The following KLRD1 variants were observed in gnomAD, a reference collection of about 807,000 sequenced individuals.
KLRD1 encodes the protein natural killer cells antigen CD94.
Under a neutral mutation model 22.6 loss-of-function variants are expected in KLRD1, and 21 were observed. The observed-to-expected ratio is 0.93, with a 90% confidence interval of 0.66 to 1.34. The LOEUF is 1.34. KLRD1 is among the 40% of genes most tolerant of loss of function. The probability of loss-of-function intolerance (pLI) is 0.00; values close to 1 mark genes in which losing one functional copy is unlikely to be tolerated. For missense variants in KLRD1, 183 were observed against 208.6 expected, an observed-to-expected ratio of 0.88 and a Z score of 0.76; for synonymous variants, 59 against 71.1, an observed-to-expected ratio of 0.83 and a Z score of 0.85.
chr12:10,273,559 G>A (rs1592046999), intron 1 of KLRD1, among the ~76,000 whole-genome samples: 1 of 152,172 alleles, frequency 6.6e-6, no homozygotes. Flanking sequence ...ACACACCACA[G>A]TAACCACAGG....
In KLRD1 at chr12:10,316,400, C is replaced by T. The variant is rs2137732753; in HGVS notation, c.*1607C>T. On this transcript the variant is annotated 3_prime_UTR_variant, in exon 6 of 6. Coordinates refer to ENST00000336164, the MANE Select transcript of KLRD1 (RefSeq NM_002262.5). ...TTTATGCCACTTATTTTATTTTTTA[C>T]TTTTATTATTTTTTTTTCTGAGACA... 1 of 150,650 alleles carries T rather than the reference C, an allele frequency of 6.6e-6. No individual in the cohort carries two copies. The highest frequency in any genetic ancestry group is 1.9e-4 in the East Asian group (1 of 5,166). 9.3% of individuals were successfully genotyped at this position (150,650 alleles called of 1,614,324 possible).
In KLRD1 at chr12:10,320,700, C is replaced by A. The variant is rs2137746557; in HGVS notation, c.*5907C>A. 1 of 151,774 alleles carries A rather than the reference C, an allele frequency of 6.6e-6. No homozygotes were observed. The highest frequency in any genetic ancestry group is 6.5e-5 in the Admixed American group (1 of 15,280). 9.4% of individuals were successfully genotyped at this position (151,774 alleles called of 1,614,324 possible). A position where few individuals can be genotyped will look rare whatever the true frequency, so the allele number is the denominator to read the frequency against. Reference sequence around the variant, plus strand: ...TGAGAAATAGATTCTGAGCAAAGATCCAATCTAGAGTGCTCTCAGGAAAGC... The same window carrying A: ...TGAGAAATAGATTCTGAGCAAAGATACAATCTAGAGTGCTCTCAGGAAAGC... On this transcript the variant is annotated 3_prime_UTR_variant, in exon 6 of 6. Transcript: ENST00000336164.
intron 1 of KLRD1, among the ~76,000 whole-genome samples, chr12:10,286,184 C>A (rs1013403735): frequency 3.3e-5 from 5 of 152,088 alleles, no homozygotes; most frequent in African/African-American, 1.2e-4. Context: ...GTCAGCCACA[C>A]CTGTTACACA....
rs1592088459 is a variant in KLRD1, at chr12:10,311,624, T to C, written c.315+9T>C. The C allele has an allele frequency of 6.2e-7, 1 of 1,611,550 alleles. No homozygotes were observed. Among genetic ancestry groups the C allele is most frequent in the Non-Finnish European group, 8.5e-7 (1 of 1,178,196 alleles). Reference sequence around the variant, plus strand: ...AAAACACAGATGAACTGGCATGTGCTGAGTCTGATTTTCTACATTTTCTTT... The same window carrying C: ...AAAACACAGATGAACTGGCATGTGCCGAGTCTGATTTTCTACATTTTCTTT... On this transcript the variant is annotated intron_variant, in intron 4 of 5. Coordinates refer to ENST00000336164, the MANE Select transcript of KLRD1 (RefSeq NM_002262.5).
rs536748405 is a variant in KLRD1 at position 10,319,306 on chromosome 12, A to G, written c.*4513A>G. ...ATGTACTTACAAATTTTGCTATATG[A>G]AAACAGTTATGTCTGTTACTATCAA... On this transcript the variant is annotated 3_prime_UTR_variant, in exon 6 of 6. Coordinates refer to ENST00000336164, the MANE Select transcript of KLRD1 (RefSeq NM_002262.5). 6 of 152,340 alleles carry G rather than the reference A, an allele frequency of 3.9e-5. No homozygotes were observed. The East Asian group carries it at 1.2e-3, about 29-fold the overall frequency. 9.4% of individuals were successfully genotyped at this position (152,340 alleles called of 1,614,324 possible).
chr12:10,241,595 C>G (rs7296341), intron 1 of KLRD1, among the ~76,000 whole-genome samples: 150,247 of 152,248 alleles, frequency 0.99, 74,182 homozygotes, highest in East Asian at 1. Context: ...CACCTCAAAG[C>G]GGCTGAGAAA....
At chr12:10,291,799 C>T (rs1056653876) in intron 1 of KLRD1, among the ~76,000 whole-genome samples, 2 of 152,046 alleles carry the variant, frequency 1.3e-5, no homozygotes, top group Non-Finnish European at 2.9e-5. Context: ...CCTTGCCCCC[C>T]ACCTTCTGAT....
chr12:10,288,655 TAATC>T (rs1335614003), intron 1 of KLRD1, among the ~76,000 whole-genome samples: 18 of 152,344 alleles, frequency 1.2e-4, no homozygotes, highest in Admixed American at 9.8e-4. Flanking sequence ...AGTTATAAAA[TAATC>T]AAACACAGAG....
intron 1 of KLRD1, among the ~76,000 whole-genome samples, chr12:10,286,291 T>G (rs1016182444): frequency 2.0e-5 from 3 of 152,234 alleles, no homozygotes; most frequent in Non-Finnish European, 4.4e-5. Flanking sequence ...GCAAACTCAC[T>G]GTAACTAATA....
At chr12:10,306,032 G>A (rs1325027516), upstream of KLRD1, among the ~76,000 whole-genome samples, 18 of 152,092 alleles carry the variant, frequency 1.2e-4, no homozygotes, top group Admixed American at 1.0e-3. Flanking sequence ...AGCTGGGCGT[G>A]GTGGCGGGAG....
rs1270092852 is a variant in KLRD1, at chr12:10,325,644, AT to A, written c.*10854del. The A allele has an allele frequency of 6.6e-6, 1 of 152,150 alleles. No individual in the cohort carries two copies. Among genetic ancestry groups the A allele is most frequent in the Non-Finnish European group, 1.5e-5 (1 of 67,994 alleles). The allele number at this position is 152,150 out of a possible 1,614,324, so 9.4% of individuals were successfully genotyped here. ...ATTTATCCTGTGACTTGTTTATTTC[AT>A]TTAGCATAATGTCCTCAAGTTTCAT... On this transcript the variant is annotated 3_prime_UTR_variant, in exon 6 of 6. Transcript: ENST00000336164.
intron 1 of KLRD1, among the ~76,000 whole-genome samples, chr12:10,243,584 G>T (rs1949260804): frequency 8.9e-6 from 1 of 111,936 alleles, no homozygotes; most frequent in Non-Finnish European, 1.6e-5. Flanking sequence ...ACTCACTCCA[G>T]CCTGGGCAAC....
At chr12:10,312,043 TTTC>T (rs1950084534) in intron 4 of KLRD1, among the ~76,000 whole-genome samples, 1 of 138,966 alleles carries the variant, frequency 7.2e-6, no homozygotes, top group South Asian at 2.4e-4. Context: ...ACCCAATTCT[TTTC>T]TTTTCTTTTT....
Position 10,325,854 on chromosome 12 carries a change from G to A in KLRD1, c.*11061G>A, listed in dbSNP as rs1950356616. 1 of 152,122 alleles carries A rather than the reference G, an allele frequency of 6.6e-6. No individual in the cohort carries two copies. The highest frequency in any genetic ancestry group is 2.4e-5 in the African/African-American group (1 of 41,436). 9.4% of individuals were successfully genotyped at this position (152,122 alleles called of 1,614,324 possible). ...AGAAAGGGGATTGGTGGATCATATGGTAGTTCTATTTTTAATTTTTTGAGA... is the reference window on the plus strand; with the variant it reads ...AGAAAGGGGATTGGTGGATCATATGATAGTTCTATTTTTAATTTTTTGAGA... On this transcript the variant is annotated 3_prime_UTR_variant, in exon 6 of 6. Transcript: ENST00000336164.
chr12:10,306,949 A>G (rs996560969), upstream of KLRD1, among the ~76,000 whole-genome samples: 1 of 152,214 alleles, frequency 6.6e-6, no homozygotes, highest in African/African-American at 2.4e-5. Flanking sequence ...TAAACAATAT[A>G]CAAAATATAA....
chr12:10,253,573 C>CT (rs59712787), intron 1 of KLRD1, among the ~76,000 whole-genome samples: 115,342 of 151,966 alleles, frequency 0.76, 47,439 homozygotes, highest in Non-Finnish European at 0.92. Flanking sequence ...TTCTCTCACC[C>CT]TATCCCCTTG....
chr12:10,242,452 C>T (rs1028815920), intron 1 of KLRD1, among the ~76,000 whole-genome samples: 1 of 152,126 alleles, frequency 6.6e-6, no homozygotes, highest in Non-Finnish European at 1.5e-5. Context: ...ACCCACTGTA[C>T]CATCTGGTGG....
chr12:10,240,148 C>T (rs902628768), intron 1 of KLRD1, among the ~76,000 whole-genome samples: 1 of 151,890 alleles, frequency 6.6e-6, no homozygotes, highest in African/African-American at 2.4e-5. Flanking sequence ...GCAGCCTCAA[C>T]CTCCCAGGCT....
chr12:10,266,641 A>G (rs868651860), intron 1 of KLRD1, among the ~76,000 whole-genome samples: 1 of 151,842 alleles, frequency 6.6e-6, no homozygotes, highest in Non-Finnish European at 1.5e-5. Context: ...ATTATTAGAT[A>G]TCTGTCATTT....
Sources: allele counts gnomAD v4.1 joint callset (sites outside exome capture counted in the v4.1 genomes callset), GRCh38; gene constraint gnomAD v4.1.1; transcripts MANE v1.5; gene names NCBI Gene and HGNC (gene_info 2026-07-23, HGNC 2026-07-21).